Variants in ROBO1 observed in about 807,000 individuals in gnomAD.
ROBO1 encodes roundabout homolog 1.
In ROBO1, 149 loss-of-function variants were observed where a neutral mutation model predicts 195.9. The ratio of observed to expected loss-of-function variants is 0.76; its 90% CI spans 0.67 to 0.87. The LOEUF is 0.87. Ranked by LOEUF, ROBO1 falls within the 40% of genes least tolerant of loss-of-function variation. The pLI is 0.00. For missense variants in ROBO1, 1,933 were observed against 2,068.3 expected (o/e 0.93, Z 1.27); for synonymous variants, 816 against 733.2 (o/e 1.11, Z -1.82).
intron 4 of ROBO1, among the ~76,000 whole-genome samples, chr3:78,803,657 G>A (rs1349489786): frequency 6.6e-6 from 1 of 152,022 alleles, no homozygotes; most frequent in Non-Finnish European, 1.5e-5. Flanking sequence ...ATGATAACTT[G>A]TTCTTCACTT....
chr3:79,280,028 A>G (rs1031365048), intron 2 of ROBO1, among the ~76,000 whole-genome samples: 9 of 152,226 alleles, frequency 5.9e-5, no homozygotes, highest in Admixed American at 1.3e-4. Flanking sequence ...TATCACTCAT[A>G]TATGAAAGCT....
chr3:79,333,465 C>T (rs982145559), intron 2 of ROBO1, among the ~76,000 whole-genome samples: 6 of 151,904 alleles, frequency 3.9e-5, no homozygotes, highest in East Asian at 3.9e-4. Flanking sequence ...ATCAAGCATG[C>T]GTAACCATGT....
chr3:79,057,209 A>G (rs909751421), intron 3 of ROBO1, among the ~76,000 whole-genome samples: 7 of 152,076 alleles, frequency 4.6e-5, no homozygotes, highest in African/African-American at 1.7e-4. Context: ...ACAAGCTTAT[A>G]TCCACCCCTT....
intron 4 of ROBO1, among the ~76,000 whole-genome samples, chr3:78,925,879 T>C (rs540728937): frequency 5.3e-4 from 81 of 151,972 alleles, no homozygotes; most frequent in Admixed American, 2.4e-3. Context: ...AAATGTACTT[T>C]TTTTTTTTTG....
chr3:78,826,364 C>G (rs2031602724), intron 4 of ROBO1, among the ~76,000 whole-genome samples: 2 of 152,224 alleles, frequency 1.3e-5, no homozygotes, highest in South Asian at 4.1e-4. Context: ...GGTTTTAGCT[C>G]TGTAATTTGC....
chr3:79,033,697 A>G (rs2078334178), intron 3 of ROBO1, among the ~76,000 whole-genome samples: 1 of 152,204 alleles, frequency 6.6e-6, no homozygotes, highest in African/African-American at 2.4e-5. Context: ...CACTTGGGTT[A>G]AAAGTTTAAA....
At chr3:79,017,258 C>T (rs935447661) in intron 3 of ROBO1, among the ~76,000 whole-genome samples, 2 of 152,020 alleles carry the variant, frequency 1.3e-5, no homozygotes, top group Non-Finnish European at 2.9e-5. Context: ...TTTTTTCCCC[C>T]CTTTTCTTAC....
chr3:79,626,937 G>C (rs189772262), intron 1 of ROBO1, among the ~76,000 whole-genome samples: 9 of 152,092 alleles, frequency 5.9e-5, no homozygotes, highest in Non-Finnish European at 1.2e-4. Flanking sequence ...TAGGAATACA[G>C]CTAACAAGGG....
intron 2 of ROBO1, among the ~76,000 whole-genome samples, chr3:79,306,563 C>G (rs1181340015): frequency 1.3e-5 from 2 of 152,176 alleles, no homozygotes; most frequent in Admixed American, 6.5e-5. Context: ...GGGGCTCCGG[C>G]TTCTTTACAA....
chr3:79,696,915 T>C (rs1184905319), intron 1 of ROBO1, among the ~76,000 whole-genome samples: 2 of 151,484 alleles, frequency 1.3e-5, no homozygotes, highest in African/African-American at 2.4e-5. Context: ...ATGTTGTTTC[T>C]GGTTTCATTA....
chr3:79,597,713 A>C (rs928716997), intron 1 of ROBO1, among the ~76,000 whole-genome samples: 11 of 152,082 alleles, frequency 7.2e-5, no homozygotes, highest in Admixed American at 6.6e-4. Context: ...TTGCTTTACA[A>C]AATGAGGCAA....
chr3:78,699,452 C>A (rs1344919979), intron 8 of ROBO1, among the ~76,000 whole-genome samples: 1 of 149,462 alleles, frequency 6.7e-6, no homozygotes, highest in Non-Finnish European at 1.5e-5. Flanking sequence ...GCCTGTAATC[C>A]CAGCTACTTG....
chr3:78,830,610 GAACT>G (rs1296114860), intron 4 of ROBO1, among the ~76,000 whole-genome samples: 1 of 152,156 alleles, frequency 6.6e-6, no homozygotes, highest in Non-Finnish European at 1.5e-5. Context: ...GATCTTGTGA[GAACT>G]AACTCACTAT....
At chr3:78,880,744 G>A (rs2036129755) in intron 4 of ROBO1, among the ~76,000 whole-genome samples, 1 of 151,982 alleles carries the variant, frequency 6.6e-6, no homozygotes, top group South Asian at 2.1e-4. Flanking sequence ...TCCATAATAG[G>A]AGTGACCAGT....
intron 2 of ROBO1, among the ~76,000 whole-genome samples, chr3:79,295,784 C>T (rs893168548): frequency 6.6e-6 from 1 of 152,026 alleles, no homozygotes; most frequent in African/African-American, 2.4e-5. Flanking sequence ...ATGTAAATCT[C>T]TTTCAGAAGA....
intron 4 of ROBO1, among the ~76,000 whole-genome samples, chr3:78,808,241 A>G (rs541387169): frequency 6.6e-6 from 1 of 152,148 alleles, no homozygotes; most frequent in Admixed American, 6.6e-5. Context: ...CTCTCGCTCG[A>G]TTGCCCAGGC....
intron 1 of ROBO1, among the ~76,000 whole-genome samples, chr3:79,685,642 T>C (rs1947081787): frequency 6.6e-6 from 1 of 152,136 alleles, no homozygotes. Context: ...TACAAACCCA[T>C]TGTGCACGCT....
At chr3:78,726,270 G>A (rs2082159762) in intron 5 of ROBO1, among the ~76,000 whole-genome samples, 1 of 151,994 alleles carries the variant, frequency 6.6e-6, no homozygotes, top group Non-Finnish European at 1.5e-5. Flanking sequence ...TGATTATAAT[G>A]CTAAAAGAGA....
At chr3:78,935,774 A>G (rs1273137616) in intron 4 of ROBO1, among the ~76,000 whole-genome samples, 6 of 152,080 alleles carry the variant, frequency 3.9e-5, no homozygotes, top group Non-Finnish European at 5.9e-5. Flanking sequence ...AAGAAAAATA[A>G]TCAATAAAAA....
Sources: allele counts gnomAD v4.1 joint callset (sites outside exome capture counted in the v4.1 genomes callset), GRCh38; gene constraint gnomAD v4.1.1; transcripts MANE v1.5; gene names NCBI Gene and HGNC (gene_info 2026-07-23, HGNC 2026-07-21).